Variants in DNER observed in about 807,000 individuals in gnomAD.
DNER encodes the protein delta/notch like EGF repeat containing.
In DNER, 33 loss-of-function variants were observed where a neutral mutation model predicts 78.2. The observed-to-expected ratio is 0.42, with a 90% CI of 0.32 to 0.56. The LOEUF (loss-of-function observed/expected upper bound fraction) is 0.56, where lower values mean the gene tolerates loss of function less well. Ranked by LOEUF, DNER falls within the 20% of genes least tolerant of loss-of-function variation. DNER has a pLI of 0.11. For synonymous variants in DNER, 417 were observed against 384.8 expected (o/e 1.08, Z -0.98); for missense variants, 918 against 975.3 (o/e 0.94, Z 0.78).
At chr2:229,688,305 C>T (rs961561404) in intron 1 of DNER, among the ~76,000 whole-genome samples, 2 of 152,210 alleles carry the variant, frequency 1.3e-5, no homozygotes, top group Non-Finnish European at 2.9e-5. Flanking sequence ...AATCAACAGA[C>T]GGACGCATGG....
chr2:229,370,811 G>T (rs1244970932), intron 11 of DNER, among the ~76,000 whole-genome samples: 1 of 152,172 alleles, frequency 6.6e-6, no homozygotes, highest in Non-Finnish European at 1.5e-5. Context: ...CACTATGGAA[G>T]ATCACATGAG....
intron 10 of DNER, among the ~76,000 whole-genome samples, chr2:229,399,768 T>C (rs761318749): frequency 2.0e-5 from 3 of 151,990 alleles, no homozygotes; most frequent in African/African-American, 7.2e-5. Context: ...AGCAATTCAA[T>C]GAAGAAAAGA....
intron 4 of DNER, among the ~76,000 whole-genome samples, chr2:229,565,796 C>T (rs1365888923): frequency 6.6e-6 from 1 of 152,110 alleles, no homozygotes; most frequent in Non-Finnish European, 1.5e-5. Flanking sequence ...TTGCACTTTC[C>T]TTTGAAATTT....
intron 1 of DNER, among the ~76,000 whole-genome samples, chr2:229,619,735 T>C (rs540104851): frequency 6.6e-6 from 1 of 152,354 alleles, no homozygotes; most frequent in East Asian, 1.9e-4. Flanking sequence ...TCTGGGAAAC[T>C]CATTTAAAGT....
chr2:229,449,344 T>C (rs1050201884), intron 7 of DNER, among the ~76,000 whole-genome samples: 2 of 152,234 alleles, frequency 1.3e-5, no homozygotes, highest in African/African-American at 4.8e-5. Context: ...ATCTCAAATC[T>C]TTTAATTTTA....
chr2:229,652,215 G>A (rs1173897888), intron 1 of DNER, among the ~76,000 whole-genome samples: 2 of 152,210 alleles, frequency 1.3e-5, no homozygotes, highest in Non-Finnish European at 2.9e-5. Context: ...ATGAGAAGCT[G>A]AGTTCAGATT....
At chr2:229,422,242 A>AC (rs1336981687) in intron 8 of DNER, among the ~76,000 whole-genome samples, 2 of 152,110 alleles carry the variant, frequency 1.3e-5, no homozygotes, top group Non-Finnish European at 2.9e-5. Context: ...TGAGGCTATC[A>AC]CCCCCTGCTG....
intron 1 of DNER, among the ~76,000 whole-genome samples, chr2:229,618,818 C>A (rs1359798264): frequency 6.6e-6 from 1 of 152,056 alleles, no homozygotes; most frequent in African/African-American, 2.4e-5. Context: ...TTTAATGTCT[C>A]TTAAAGTGGC....
At chr2:229,528,560 G>C (rs957557308) in intron 5 of DNER, among the ~76,000 whole-genome samples, 1 of 152,178 alleles carries the variant, frequency 6.6e-6, no homozygotes, top group Non-Finnish European at 1.5e-5. Context: ...GCTGGAGTCA[G>C]ACATTGAACT....
intron 11 of DNER, among the ~76,000 whole-genome samples, chr2:229,387,558 A>G (rs1310986938): frequency 1.3e-5 from 2 of 150,416 alleles, no homozygotes; most frequent in Admixed American, 6.6e-5. Flanking sequence ...AAAGAAAGAA[A>G]GAAAGAAAGA....
intron 1 of DNER, among the ~76,000 whole-genome samples, chr2:229,600,686 T>C (rs1235852101): frequency 6.6e-6 from 1 of 152,172 alleles, no homozygotes; most frequent in Non-Finnish European, 1.5e-5. Flanking sequence ...AAGAACACAA[T>C]GAAGGGTCAT....
Position 229,569,115 on chromosome 2 carries a change from G to A in DNER, c.847+16743C>T, listed in dbSNP as rs557891571. Among the ~76,000 whole-genome samples the A allele has an allele frequency of 2.8e-4, 42 of 152,316 alleles. 1 individual carries two copies. In the South Asian group the frequency reaches 8.1e-3, roughly 29 times the overall value. ...TGCCTATGGATGGATGCGTATCTAT[G>A]TGTGTGCATATACATGAATGTGCAT... On this transcript the variant is annotated intron_variant, in intron 4 of 12. Coordinates refer to ENST00000341772, the MANE Select transcript of DNER (RefSeq NM_139072.4).
chr2:229,681,134 C>G (rs1230476855), intron 1 of DNER, among the ~76,000 whole-genome samples: 1 of 152,200 alleles, frequency 6.6e-6, no homozygotes, highest in South Asian at 2.1e-4. Flanking sequence ...TGTAAACACT[C>G]CCAGTATGGC....
intron 5 of DNER, among the ~76,000 whole-genome samples, chr2:229,540,044 T>A (rs1463733287): frequency 1.3e-5 from 2 of 152,050 alleles, no homozygotes; most frequent in Admixed American, 6.5e-5. Flanking sequence ...AAATAATGAA[T>A]ATAAAGACAT....
intron 7 of DNER, among the ~76,000 whole-genome samples, chr2:229,473,649 G>A (rs1435977512): frequency 2.6e-5 from 4 of 152,146 alleles, no homozygotes; most frequent in South Asian, 2.1e-4. Context: ...AACATAAAAC[G>A]CAACCCGTAG....
intron 1 of DNER, among the ~76,000 whole-genome samples, chr2:229,686,184 A>G (rs1244170535): frequency 6.6e-6 from 1 of 152,158 alleles, no homozygotes; most frequent in Non-Finnish European, 1.5e-5. Flanking sequence ...TAGTCAGGCA[A>G]ATACACCCAC....
intron 7 of DNER, among the ~76,000 whole-genome samples, chr2:229,458,135 C>CAAA (rs61340733): frequency 0.39 from 6,852 of 17,666 alleles, 2,387 homozygotes; most frequent in Middle Eastern, 0.5. Flanking sequence ...GACTCTATCT[C>CAAA]AAAAAAAAAA....
At chr2:229,404,489 G>C (rs1693339048) in intron 10 of DNER, among the ~76,000 whole-genome samples, 2 of 152,160 alleles carry the variant, frequency 1.3e-5, no homozygotes, top group Admixed American at 6.5e-5. Context: ...CCTCCACCTG[G>C]CCTCTCCCTT....
At chr2:229,447,950 A>T (rs1694373817) in intron 7 of DNER, among the ~76,000 whole-genome samples, 1 of 152,204 alleles carries the variant, frequency 6.6e-6, no homozygotes, top group Non-Finnish European at 1.5e-5. Flanking sequence ...AATGGGGAAC[A>T]CATTTCTTAT....
Sources: gnomAD v4.1 joint callset for allele counts (sites outside exome capture counted in the v4.1 genomes callset) on GRCh38, gnomAD v4.1.1 for gene constraint, MANE v1.5 for transcripts, NCBI Gene and HGNC (gene_info 2026-07-23, HGNC 2026-07-21) for gene names.